The following TLL1 variants were observed in gnomAD, a reference collection of about 807,000 sequenced individuals.
TLL1 encodes the protein tolloid-like protein 1.
A neutral mutation model predicts 128.2 loss-of-function variants in TLL1; 49 were observed. The ratio of observed to expected loss-of-function variants is 0.38; its 90% CI spans 0.30 to 0.48. The LOEUF (loss-of-function observed/expected upper bound fraction) is 0.48. TLL1 is among the 20% of genes least tolerant of loss of function. TLL1 has a pLI of 0.96. For missense variants in TLL1, 1,123 were observed against 1,242.0 expected, an observed-to-expected ratio of 0.90 and a Z score of 1.44; for synonymous variants, 454 against 418.8, an observed-to-expected ratio of 1.08 and a Z score of -1.03.
intron 1 of TLL1, among the ~76,000 whole-genome samples, chr4:165,949,980 A>G (rs1561048968): frequency 6.6e-6 from 1 of 152,278 alleles, no homozygotes; most frequent in East Asian, 1.9e-4. Context: ...AAAGGCAGAG[A>G]TGATCAGATT....
At position 166,099,379 on chromosome 4, in the gene TLL1, T is replaced by C; in HGVS notation, c.2759T>C (p.Leu920Pro). Reference protein sequence around the residue: ...NYPGQVDCEWLLVSERGSRLE... With the variant: ...NYPGQVDCEWPLVSERGSRLE... ...CCAGGACAGGTTGACTGTGAATGGC[T>C]ATTAGTATCAGAACGGGGCTCTCGA... The change falls in exon 20 of 21, where the codon CTA becomes CCA. Residue 920 changes from leucine (L) to proline (P), a missense_variant. Physicochemically the swap from Leu to Pro is moderately conservative, Grantham distance 98. Around this residue, in one of 3 missense-constraint regions of TLL1, gnomAD observed 634 missense variants for 672.4 expected, o/e 0.94. Coordinates refer to ENST00000061240, the MANE Select transcript of TLL1 (RefSeq NM_012464.5). 6.2e-7 allele frequency: 1 copy of C among 1,613,624 alleles called. No individual in the cohort carries two copies. The highest frequency in any genetic ancestry group is 1.7e-4 in the Middle Eastern group (1 of 6,056).
chr4:165,883,286 C>A (rs1299138161), intron 1 of TLL1, among the ~76,000 whole-genome samples: 2 of 152,138 alleles, frequency 1.3e-5, no homozygotes, highest in Non-Finnish European at 2.9e-5. Flanking sequence ...CATGAGCTGC[C>A]ATGGTCTGCC....
Position 166,029,009 on chromosome 4 carries a change from G to A in TLL1, c.1158+3578G>A, listed in dbSNP as rs140889524. Among the ~76,000 whole-genome samples the A allele has an allele frequency of 3.0e-4, 45 of 151,672 alleles. 1 individual carries two copies. In the East Asian group the frequency reaches 7.4e-3, roughly 25 times the overall value. On this transcript the variant is annotated intron_variant, in intron 9 of 20. Transcript: ENST00000061240. Reference sequence around the variant, plus strand: ...CAGTATACAGTCCAGTTTATTTTTCGTTTAACCCATGATGGCAGGTTTTGT... The same window carrying A: ...CAGTATACAGTCCAGTTTATTTTTCATTTAACCCATGATGGCAGGTTTTGT...
Position 165,994,495 on chromosome 4 carries a change from G to C in TLL1, c.476G>C (p.Gly159Ala). ...TCAAGAACGGAAAGAATATGGCCTG[G>C]AGGCGTTATTCCTTATGTTATAGGA... ...ATSRTERIWP[G>A]GVIPYVIGGN... Residue 159 changes from glycine (G) to alanine (A), a missense_variant, in exon 4 of 21, where the codon GGA becomes GCA. This residue lies in a region of TLL1 where 480 missense variants were observed against 542.4 expected (regional missense o/e 0.89). Coordinates refer to ENST00000061240, the MANE Select transcript of TLL1 (RefSeq NM_012464.5). 2 of 1,614,020 alleles carry C rather than the reference G, an allele frequency of 1.2e-6. No homozygotes were observed. The highest frequency in any genetic ancestry group is 1.7e-6 in the Non-Finnish European group (2 of 1,179,948).
At chr4:166,022,923 T>C (rs1033838139) in intron 8 of TLL1, among the ~76,000 whole-genome samples, 60 of 152,252 alleles carry the variant, frequency 3.9e-4, no homozygotes, top group African/African-American at 1.3e-3. Context: ...TAATTCTTTA[T>C]GCTTTTACTT....
intron 3 of TLL1, 109 bp downstream of exon 3, chr4:165,992,993 T>A: frequency 2.2e-6 from 2 of 919,806 alleles, no homozygotes; most frequent in Non-Finnish European, 3.5e-6. Flanking sequence ...GTGAAGTATG[T>A]AAATGATATA....
At chr4:165,878,393 T>C (rs1403004125) in intron 1 of TLL1, among the ~76,000 whole-genome samples, 3 of 151,808 alleles carry the variant, frequency 2.0e-5, no homozygotes, top group African/African-American at 7.3e-5. Context: ...TTGCCTTGGG[T>C]GCCAACTCAG....
rs781170038 is a variant in TLL1 at position 166,003,582 on chromosome 4, G to GA, written c.811+15dup. ...AACATCCAGCCAGGTGAGAGGCATAGAATGTGTTGGGTTTAAGGCTGACTG... is the reference window on the plus strand; with the variant it reads ...AACATCCAGCCAGGTGAGAGGCATAGAAATGTGTTGGGTTTAAGGCTGACTG... On this transcript the variant is annotated intron_variant, in intron 6 of 20. Coordinates refer to ENST00000061240, the MANE Select transcript of TLL1 (RefSeq NM_012464.5). 50 of 1,613,552 alleles carry GA rather than the reference G, an allele frequency of 3.1e-5. No homozygotes were observed. Among genetic ancestry groups the GA allele is most frequent in the Non-Finnish European group, 4.2e-5 (49 of 1,179,668 alleles).
chr4:165,995,293 G>C (rs1372323634), intron 5 of TLL1, 115 bp downstream of exon 5: 1 of 839,700 alleles, frequency 1.2e-6, no homozygotes, highest in Non-Finnish European at 2.0e-6. Context: ...TTGGCCATGA[G>C]AAAGTCTGGA....
Position 165,913,941 on chromosome 4 carries a change from G to A in TLL1, c.169+39868G>A, listed in dbSNP as rs549109511. On this transcript the variant is annotated intron_variant, in intron 1 of 20. Coordinates refer to ENST00000061240, the MANE Select transcript of TLL1 (RefSeq NM_012464.5). ...TGAGTTGAGAGAATCTCTTGAGCTG[G>A]AGAGGTCTAGGTTGTAGTGAGCCAT... Among the ~76,000 whole-genome samples the A allele has an allele frequency of 6.6e-5, 10 of 152,134 alleles. 1 individual carries two copies. The South Asian group carries it at 2.1e-3, about 32-fold the overall frequency.
intron 9 of TLL1, among the ~76,000 whole-genome samples, chr4:166,030,196 A>G (rs916531791): frequency 6.6e-6 from 1 of 152,128 alleles, no homozygotes; most frequent in Non-Finnish European, 1.5e-5. Context: ...ACTGGGTGTC[A>G]GGTGATATCT....
chr4:166,062,074 T>G (rs1230829004), intron 15 of TLL1, among the ~76,000 whole-genome samples: 3 of 152,186 alleles, frequency 2.0e-5, no homozygotes, highest in African/African-American at 7.2e-5. Context: ...TCCATTGATC[T>G]ATATCTCTGT....
chr4:166,003,326 C>T, intron 5 of TLL1, 65 bp from the exon 6 acceptor site: 1 of 1,555,124 alleles, frequency 6.4e-7, no homozygotes. Flanking sequence ...ACAAAAAATT[C>T]ACCATATTGT....
rs563420807 is a variant in TLL1 at position 166,104,457 on chromosome 4, A to G, written c.*3581A>G. ...GAAAATATAATTGCCTTCTAAAGAT[A>G]TATAATTCGAATTGCAGTAATGCTT... On this transcript the variant is annotated 3_prime_UTR_variant, in exon 21 of 21. Transcript: ENST00000061240. Among the ~76,000 whole-genome samples the G allele has an allele frequency of 2.0e-5, 3 of 152,088 alleles. No homozygotes were observed. The East Asian group carries it at 5.8e-4, about 29-fold the overall frequency.
At chr4:165,965,646 C>A (rs745744988) in intron 1 of TLL1, among the ~76,000 whole-genome samples, 24 of 152,170 alleles carry the variant, frequency 1.6e-4, no homozygotes, top group Non-Finnish European at 3.1e-4. Flanking sequence ...GAGATGGGCA[C>A]CTTCATGTCA....
intron 6 of TLL1, among the ~76,000 whole-genome samples, chr4:166,007,695 A>C (rs911236140): frequency 1.3e-5 from 2 of 151,774 alleles, no homozygotes; most frequent in Non-Finnish European, 3.0e-5. Flanking sequence ...CATATAAAAG[A>C]AAGTATGCTT....
At chr4:165,951,445 A>G (rs567941524) in intron 1 of TLL1, among the ~76,000 whole-genome samples, 1 of 152,258 alleles carries the variant, frequency 6.6e-6, no homozygotes, top group Admixed American at 6.5e-5. Context: ...CTTGGTCATA[A>G]TTGGCCCATG....
intron 1 of TLL1, among the ~76,000 whole-genome samples, chr4:165,959,212 T>C (rs968681377): frequency 2.6e-5 from 4 of 152,114 alleles, no homozygotes; most frequent in African/African-American, 7.2e-5. Context: ...TTTGGTTCCA[T>C]ATGAACTTTA....
At chr4:166,044,393 C>T (rs751680966) in intron 12 of TLL1, 15 of 1,535,424 alleles carry the variant, frequency 9.8e-6, no homozygotes, top group Non-Finnish European at 1.3e-5. Context: ...CCAGGGATTG[C>T]CAGTAAAGCC....
Sources: allele counts gnomAD v4.1 joint callset (sites outside exome capture counted in the v4.1 genomes callset), GRCh38; gene constraint gnomAD v4.1.1; regional missense constraint gnomAD v4.1.1; transcripts MANE v1.5; gene names NCBI Gene and HGNC (gene_info 2026-07-23, HGNC 2026-07-21).